Variants in GPR146 observed in about 807,000 individuals in gnomAD.
GPR146 encodes G protein-coupled receptor 146.
For synonymous variants in GPR146, 203 were observed against 104.3 expected, an observed-to-expected ratio of 1.95 and a Z score of -5.77; for missense variants, 381 against 213.9, an observed-to-expected ratio of 1.78 and a Z score of -4.87.
intron 1 of GPR146, chr7:1,055,274 C>G (rs1455690498): frequency 2.1e-6 from 1 of 471,198 alleles, no homozygotes; most frequent in Non-Finnish European, 4.4e-6. Flanking sequence ...GGGAACTTAC[C>G]AGAGGAAAAC....
At chr7:1,051,786 C>T (rs1241989339) in intron 1 of GPR146, among the ~76,000 whole-genome samples, 1 of 152,202 alleles carries the variant, frequency 6.6e-6, no homozygotes, top group East Asian at 1.9e-4. Context: ...CTAGCCTGGG[C>T]AACATAGTGA....
chr7:1,050,572 C>T (rs2128196012), intron 1 of GPR146, among the ~76,000 whole-genome samples: 1 of 152,382 alleles, frequency 6.6e-6, no homozygotes, highest in Middle Eastern at 3.4e-3. Flanking sequence ...GGCGTCCCTG[C>T]ACCCTGGTGC....
chr7:1,051,984 GAAA>G (rs1195376438), intron 1 of GPR146, among the ~76,000 whole-genome samples: 1 of 152,174 alleles, frequency 6.6e-6, no homozygotes, highest in Non-Finnish European at 1.5e-5. Flanking sequence ...GCTCCAAACA[GAAA>G]AATAAAAACA....
rs112709471 is a variant in GPR146 at position 1,057,539 on chromosome 7, C to T, written c.24C>T (p.Asn8=). Residue 8 remains asparagine (N), a synonymous_variant, in exon 2 of 2, where the codon AAC becomes AAT. Transcript: ENST00000444847. MWSCSWF[N]GTGLVEELPA... is the part of the protein sequence containing the mutation. ...CCATGTGGAGCTGCAGCTGGTTCAACGGCACAGGGCTGGTGGAGGAGCTGC... is the reference window on the plus strand; with the variant it reads ...CCATGTGGAGCTGCAGCTGGTTCAATGGCACAGGGCTGGTGGAGGAGCTGC... The T allele has an allele frequency of 2.5e-5, 19 of 771,650 alleles. No individual in the cohort carries two copies. Among genetic ancestry groups the T allele is most frequent in the East Asian group, 9.7e-5 (4 of 41,102 alleles). The allele number at this position is 771,650 out of a possible 1,614,324, so 47.8% of individuals were successfully genotyped here. A position where few individuals can be genotyped will look rare whatever the true frequency, so the allele number is the denominator to read the frequency against.
chr7:1,057,919 G>A lies in GPR146; in HGVS notation c.404G>A (p.Arg135Gln), dbSNP rs61997249. ...LDHYIERALP[R>Q]TYMASVYNTR... ...CACTACATCGAGCGTGCACTGCCGC[G>A]GACCTACATGGCCAGCGTGTACAAC... The change falls in exon 2 of 2, where the codon CGG (arginine) becomes CAG (glutamine). Residue 135 changes from arginine to glutamine, a missense_variant. By Grantham distance (43) the Arg-to-Gln change is conservative. Transcript: ENST00000444847. 1,311 of 774,898 alleles carry A rather than the reference G, an allele frequency of 1.7e-3. 11 individuals are homozygous for A. The highest frequency in any genetic ancestry group is 6.5e-3 in the Middle Eastern group (29 of 4,442). 48.0% of individuals were successfully genotyped at this position (774,898 alleles called of 1,614,324 possible).
At chr7:1,048,127 C>T (rs1296342619) in intron 1 of GPR146, among the ~76,000 whole-genome samples, 1 of 152,110 alleles carries the variant, frequency 6.6e-6, no homozygotes, top group Non-Finnish European at 1.5e-5. Flanking sequence ...AAGGACGAGC[C>T]AGTGTTTGCT....
intron 1 of GPR146, chr7:1,045,599 G>C (rs963632178): frequency 1.3e-5 from 2 of 152,140 alleles, no homozygotes; most frequent in African/African-American, 4.8e-5. Flanking sequence ...TCCTAACTGG[G>C]GCACCGTTGA....
At chr7:1,053,696 AGT>A (rs1563051948) in intron 1 of GPR146, among the ~76,000 whole-genome samples, 3 of 152,184 alleles carry the variant, frequency 2.0e-5, no homozygotes, top group African/African-American at 7.2e-5. Flanking sequence ...GTGTGGTGGC[AGT>A]CGCCTGTAAT....
At chr7:1,053,568 C>T (rs1433401657) in intron 1 of GPR146, among the ~76,000 whole-genome samples, 1 of 152,228 alleles carries the variant, frequency 6.6e-6, no homozygotes, top group East Asian at 1.9e-4. Context: ...TGGCTCACGT[C>T]TGTAATCCCA....
chr7:1,047,798 T>C (rs1782719194), intron 1 of GPR146, among the ~76,000 whole-genome samples: 1 of 152,150 alleles, frequency 6.6e-6, no homozygotes, highest in South Asian at 2.1e-4. Context: ...CCGGGGACAA[T>C]AAGAAGCGCT....
intron 1 of GPR146, among the ~76,000 whole-genome samples, chr7:1,044,957 C>T (rs929513436): frequency 2.0e-5 from 3 of 152,268 alleles, no homozygotes; most frequent in African/African-American, 7.2e-5. Context: ...TCTCCCATGT[C>T]CGACAGGGCA....
chr7:1,057,720 A>G lies in GPR146; in HGVS notation c.205A>G (p.Met69Val), dbSNP rs1229675424. 5.2e-6 allele frequency: 4 copies of G among 776,224 alleles called. No homozygotes were observed. Among genetic ancestry groups the G allele is most frequent in the East Asian group, 4.9e-5 (2 of 41,214 alleles). The allele number at this position is 776,224 out of a possible 1,614,324, so 48.1% of individuals were successfully genotyped here. A position where few individuals can be genotyped will look rare whatever the true frequency, so the allele number is the denominator to read the frequency against. ...CATGCCGGACGTGTACTTTGTCAAC[A>G]TGGCAGTGGCAGGCCTGGTGCTCAG... is the stretch of plus-strand genomic sequence containing the variant. Reference protein sequence around the residue: ...MTMPDVYFVNMAVAGLVLSAL... With the variant: ...MTMPDVYFVNVAVAGLVLSAL... The change falls in exon 2 of 2, where the codon ATG becomes GTG. Residue 69 changes from methionine (M) to valine (V), a missense_variant. By Grantham distance (21) the Met-to-Val change is conservative. Transcript: ENST00000444847.
intron 1 of GPR146, among the ~76,000 whole-genome samples, chr7:1,048,688 A>G (rs903358073): frequency 1.3e-5 from 2 of 152,218 alleles, no homozygotes; most frequent in African/African-American, 2.4e-5. Flanking sequence ...ATAGGAAGAA[A>G]GATGCCAACG....
intron 1 of GPR146, among the ~76,000 whole-genome samples, chr7:1,046,099 G>A (rs571043294): frequency 6.6e-6 from 1 of 152,314 alleles, no homozygotes; most frequent in African/African-American, 2.4e-5. Flanking sequence ...ATGAATCAAT[G>A]GCATACTGCA....
rs150738024 is a variant in GPR146, at chr7:1,046,432, G to A, written c.-25+1774G>A. ...TGCCTGCCAGCTCCTCTGCTCTCCA[G>A]GGCTTTCACTAACCCACCTGCCCAA... On this transcript the variant is annotated intron_variant, in intron 1 of 1. Transcript: ENST00000444847. 2.0e-3 allele frequency among the ~76,000 whole-genome samples: 299 copies of A among 152,284 alleles called. 1 individual carries two copies. The highest frequency in any genetic ancestry group is 6.6e-3 in the African/African-American group (276 of 41,528).
Position 1,052,986 on chromosome 7 carries a change from A to C in GPR146, c.-24-4506A>C, listed in dbSNP as rs115144899. 6.5e-3 allele frequency among the ~76,000 whole-genome samples: 993 copies of C among 152,026 alleles called. 13 individuals carry two copies. Among genetic ancestry groups the C allele is most frequent in the African/African-American group, 0.023 (954 of 41,458 alleles). On this transcript the variant is annotated intron_variant, in intron 1 of 1. Transcript: ENST00000444847. This position sits in a 1 kb window ranked among gnomAD's most constrained non-coding sequence, Gnocchi z 4.2. The stretch of plus-strand genomic sequence containing the variant: ...TCTCCCAGCCTCTAAGTCTCCCATC[A>C]CCTGGCTCCCCGTTCCTCTTTCCCT...
At chr7:1,049,801 A>C (rs1583559016) in intron 1 of GPR146, among the ~76,000 whole-genome samples, 1 of 152,220 alleles carries the variant, frequency 6.6e-6, no homozygotes, top group African/African-American at 2.4e-5. Context: ...GTTTTCGGTC[A>C]AATTTTGGGC....
chr7:1,053,076 G>A (rs1264337022), intron 1 of GPR146, among the ~76,000 whole-genome samples: 3 of 152,240 alleles, frequency 2.0e-5, no homozygotes, highest in Non-Finnish European at 4.4e-5. Context: ...CCCAGTGGGG[G>A]GAGAAGCCAG....
intron 1 of GPR146, among the ~76,000 whole-genome samples, chr7:1,054,942 G>C (rs1007596772): frequency 2.6e-5 from 4 of 152,228 alleles, no homozygotes; most frequent in African/African-American, 7.2e-5. Context: ...CCCTTCTGTT[G>C]ATTTCCTCAC....
Sources: gnomAD v4.1 joint callset for allele counts (sites outside exome capture counted in the v4.1 genomes callset) on GRCh38, gnomAD v4.1.1 for gene constraint, Gnocchi (gnomAD v3.1) non-coding constraint, MANE v1.5 for transcripts, NCBI Gene and HGNC (gene_info 2026-07-23, HGNC 2026-07-21) for gene names.